KCNAB1: variants seen among roughly 807,000 people sequenced by gnomAD.
The protein encoded by KCNAB1 is potassium voltage-gated channel subfamily A regulatory beta subunit 1.
A neutral mutation model predicts 64.6 loss-of-function variants in KCNAB1; 35 were observed. The observed-to-expected ratio is 0.54, with a 90% CI of 0.41 to 0.72. KCNAB1 has a LOEUF of 0.72. KCNAB1 is among the 30% of genes least tolerant of loss of function. The pLI, the probability that KCNAB1 is intolerant of heterozygous loss-of-function variation, is 0.00. For synonymous variants in KCNAB1, 177 were observed against 183.8 expected (o/e 0.96, Z 0.30); for missense variants, 401 against 512.9 (o/e 0.78, Z 2.11).
intron 1 of KCNAB1, among the ~76,000 whole-genome samples, chr3:156,407,529 C>T (rs538789565): frequency 6.6e-6 from 1 of 152,212 alleles, no homozygotes; most frequent in African/African-American, 2.4e-5. Context: ...GCACCTAGAA[C>T]AGTGCTCAAT....
At chr3:156,180,513 C>T (rs757713033) in intron 1 of KCNAB1, among the ~76,000 whole-genome samples, 1 of 151,450 alleles carries the variant, frequency 6.6e-6, no homozygotes, top group Non-Finnish European at 1.5e-5. Flanking sequence ...TGGAGAATAC[C>T]AAAAACAAAA....
intron 1 of KCNAB1, among the ~76,000 whole-genome samples, chr3:156,141,633 A>G (rs1304011983): frequency 6.6e-6 from 1 of 151,942 alleles, no homozygotes; most frequent in Non-Finnish European, 1.5e-5. Context: ...GGTATTTCGT[A>G]GTATGAATAT....
intron 2 of KCNAB1, among the ~76,000 whole-genome samples, chr3:156,442,751 A>G (rs933307572): frequency 1.3e-5 from 2 of 152,158 alleles, no homozygotes; most frequent in Non-Finnish European, 2.9e-5. Flanking sequence ...CCAGCTGCAG[A>G]CAGCCTGCCC....
chr3:156,384,147 T>C lies in KCNAB1; in HGVS notation c.276-37469T>C, dbSNP rs543441766. On this transcript the variant is annotated intron_variant, in intron 1 of 13. Coordinates refer to ENST00000490337, the MANE Select transcript of KCNAB1 (RefSeq NM_172160.3). ...ACTTTTTATTCTGCAATTAAATAAG[T>C]TCACTGCCCTTTTGCTAAAAATGGA... Among the ~76,000 whole-genome samples, 5 of 152,330 alleles carry C rather than the reference T, an allele frequency of 3.3e-5. No homozygotes were observed. In the South Asian group the frequency reaches 1.0e-3, roughly 32 times the overall value.
At chr3:156,350,636 A>G (rs1724795913) in intron 1 of KCNAB1, among the ~76,000 whole-genome samples, 1 of 152,192 alleles carries the variant, frequency 6.6e-6, no homozygotes, top group African/African-American at 2.4e-5. Context: ...TCAAGAGAGG[A>G]AAAATGGAAT....
At chr3:156,521,519 T>C (rs9830768) in intron 11 of KCNAB1, among the ~76,000 whole-genome samples, 135,046 of 152,254 alleles carry the variant, frequency 0.89, 60,013 homozygotes, top group African/African-American at 0.92. Flanking sequence ...CTGGCTTCTA[T>C]CTGCTAGGTT....
At chr3:156,284,141 T>G (rs1319165959) in intron 1 of KCNAB1, among the ~76,000 whole-genome samples, 4 of 152,138 alleles carry the variant, frequency 2.6e-5, no homozygotes, top group Non-Finnish European at 5.9e-5. Context: ...ACAGATGGGT[T>G]TTTGGTGTGG....
At chr3:156,373,298 TG>T (rs1309172472) in intron 1 of KCNAB1, among the ~76,000 whole-genome samples, 1 of 152,336 alleles carries the variant, frequency 6.6e-6, no homozygotes, top group East Asian at 1.9e-4. Flanking sequence ...ACAAAAGGCT[TG>T]GAAATTTCCT....
In KCNAB1 at chr3:156,246,186, C is replaced by T. The variant is rs372360520; in HGVS notation, c.275+125300C>T. Among the ~76,000 whole-genome samples the T allele has an allele frequency of 1.4e-4, 21 of 152,130 alleles. No homozygotes were observed. In the East Asian group the frequency reaches 2.7e-3, roughly 20 times the overall value. ...TGGGCACTCAGATAATTAAATTGCC[C>T]CAATAGGTCATTTGCATCAAATTTA... On this transcript the variant is annotated intron_variant, in intron 1 of 13. Transcript: ENST00000490337.
At chr3:156,439,687 G>A (rs2108258360) in intron 2 of KCNAB1, among the ~76,000 whole-genome samples, 1 of 152,292 alleles carries the variant, frequency 6.6e-6, no homozygotes, top group East Asian at 1.9e-4. Context: ...ATGAAAAATG[G>A]AGCATCACCA....
chr3:156,537,032 G>C lies in KCNAB1; in HGVS notation c.*285G>C, dbSNP rs986016868. Reference sequence around the variant, plus strand: ...GCAATGGGAAGAATATGGGGGCCAGGGGGTGTGGTACTACCTTCAGGCATT... The same window carrying C: ...GCAATGGGAAGAATATGGGGGCCAGCGGGTGTGGTACTACCTTCAGGCATT... On this transcript the variant is annotated 3_prime_UTR_variant, in exon 14 of 14. Coordinates refer to ENST00000490337, the MANE Select transcript of KCNAB1 (RefSeq NM_172160.3). 12 of 467,514 alleles carry C rather than the reference G, an allele frequency of 2.6e-5. 1 individual carries two copies. In the South Asian group the frequency reaches 3.7e-4, roughly 14 times the overall value. The allele number at this position is 467,514 out of a possible 1,614,324, so 29.0% of individuals were successfully genotyped here.
At chr3:156,302,477 A>T (rs2107990124) in intron 1 of KCNAB1, among the ~76,000 whole-genome samples, 1 of 152,292 alleles carries the variant, frequency 6.6e-6, no homozygotes, top group South Asian at 2.1e-4. Flanking sequence ...TTTTTCTAGA[A>T]TCCAAGACTT....
At chr3:156,349,395 G>T (rs539192098) in intron 1 of KCNAB1, among the ~76,000 whole-genome samples, 1 of 152,252 alleles carries the variant, frequency 6.6e-6, no homozygotes, top group East Asian at 1.9e-4. Context: ...AAAGTTTCCT[G>T]TGTAAATACC....
At chr3:156,332,818 A>T (rs1723432966) in intron 1 of KCNAB1, among the ~76,000 whole-genome samples, 1 of 152,214 alleles carries the variant, frequency 6.6e-6, no homozygotes, top group African/African-American at 2.4e-5. Context: ...ACTTAGTGCT[A>T]TGTATGATCT....
At chr3:156,358,354 C>T (rs1725395093) in intron 1 of KCNAB1, among the ~76,000 whole-genome samples, 1 of 152,154 alleles carries the variant, frequency 6.6e-6, no homozygotes, top group African/African-American at 2.4e-5. Context: ...CATCAGCTAA[C>T]AGCAAGAAGG....
intron 8 of KCNAB1, among the ~76,000 whole-genome samples, chr3:156,504,377 G>T (rs1270227831): frequency 6.6e-6 from 1 of 152,186 alleles, no homozygotes; most frequent in Non-Finnish European, 1.5e-5. Flanking sequence ...AAACATGAGA[G>T]TGCAGGTATC....
intron 8 of KCNAB1, among the ~76,000 whole-genome samples, chr3:156,491,216 GGGA>G (rs1412209599): frequency 9.9e-5 from 15 of 152,216 alleles, no homozygotes; most frequent in Admixed American, 7.9e-4. Flanking sequence ...ATTCATTAAA[GGGA>G]GGAGAAGAAT....
intron 2 of KCNAB1, among the ~76,000 whole-genome samples, chr3:156,436,314 C>T (rs1010045345): frequency 5.3e-5 from 8 of 152,148 alleles, no homozygotes; most frequent in African/African-American, 1.4e-4. Context: ...TCCAGTCTAT[C>T]GTTGATGGGC....
Position 156,193,952 on chromosome 3 carries a change from T to C in KCNAB1, c.275+73066T>C, listed in dbSNP as rs545618864. On this transcript the variant is annotated intron_variant, in intron 1 of 13. Transcript: ENST00000490337. Reference sequence around the variant, plus strand: ...TAAGTTGAAAAGCATTCATATATCTTTAATTTATTATAGTTAACTTTCAAG... The same window carrying C: ...TAAGTTGAAAAGCATTCATATATCTCTAATTTATTATAGTTAACTTTCAAG... 2.2e-3 allele frequency among the ~76,000 whole-genome samples: 329 copies of C among 152,256 alleles called. 1 individual carries two copies. The highest frequency in any genetic ancestry group is 7.2e-3 in the African/African-American group (301 of 41,542).
Sources: allele counts gnomAD v4.1 joint callset (sites outside exome capture counted in the v4.1 genomes callset), GRCh38; gene constraint gnomAD v4.1.1; transcripts MANE v1.5; gene names NCBI Gene and HGNC (gene_info 2026-07-23, HGNC 2026-07-21).